The following GPHN variants were observed in gnomAD, a reference collection of about 807,000 sequenced individuals.
GPHN encodes gephyrin.
GPHN carries 17 observed loss-of-function variants against 95.5 expected under a neutral mutation model. That is an observed-to-expected ratio of 0.18 (90% CI 0.12 to 0.27). GPHN has a LOEUF of 0.27. GPHN is among the 10% of genes least tolerant of loss of function. The pLI is 1.00. For missense variants in GPHN, 660 were observed against 978.1 expected (o/e 0.67, Z 4.34); for synonymous variants, 320 against 322.5 (o/e 0.99, Z 0.08).
intron 17 of GPHN, chr14:67,142,899 C>G (rs532199791): frequency 2.9e-5 from 6 of 209,850 alleles, no homozygotes; most frequent in Admixed American, 1.1e-4. Flanking sequence ...TTCCTTTCCA[C>G]CTCTCTGAAT....
chr14:66,995,446 T>G (rs1311655382), intron 9 of GPHN, among the ~76,000 whole-genome samples: 1 of 152,324 alleles, frequency 6.6e-6, no homozygotes, highest in South Asian at 2.1e-4. Context: ...CTCAAAGCAA[T>G]AAGTGGCAAT....
chr14:67,071,400 G>GTA (rs2076301132), intron 11 of GPHN, among the ~76,000 whole-genome samples: 1 of 151,502 alleles, frequency 6.6e-6, no homozygotes, highest in South Asian at 2.1e-4. Context: ...ACCAAACACC[G>GTA]CATGTTCTCA....
chr14:66,630,220 A>G (rs767619783), intron 1 of GPHN, among the ~76,000 whole-genome samples: 1 of 152,158 alleles, frequency 6.6e-6, no homozygotes, highest in Non-Finnish European at 1.5e-5. Context: ...TACTTGGGTT[A>G]TGCTCTTTTC....
chr14:67,464,317 CTGTGCCCCCA>C, the GPHN span, among the ~76,000 whole-genome samples: 1 of 152,244 alleles, frequency 6.6e-6, no homozygotes, highest in Admixed American at 6.5e-5. Flanking sequence ...CTCCCCTGGC[CTGTGCCCCCA>C]TCCTCAGAAT....
chr14:66,571,124 A>G (rs1180254381), intron 1 of GPHN, among the ~76,000 whole-genome samples: 4 of 152,216 alleles, frequency 2.6e-5, no homozygotes, highest in African/African-American at 9.6e-5. Context: ...ACAGTTCCAC[A>G]TGGCTAGGGA....
At chr14:66,576,950 T>G (rs1385405287) in intron 1 of GPHN, among the ~76,000 whole-genome samples, 1 of 152,250 alleles carries the variant, frequency 6.6e-6, no homozygotes, top group Non-Finnish European at 1.5e-5. Flanking sequence ...TTGCCATGTT[T>G]TCCTTTTCTT....
At chr14:67,680,373 A>G in the GPHN span, among the ~76,000 whole-genome samples, 2 of 152,042 alleles carry the variant, frequency 1.3e-5, no homozygotes, top group African/African-American at 4.8e-5. Flanking sequence ...TGTGCCTTAT[A>G]CTCTTCATAA....
chr14:67,678,245 T>G, the GPHN span: 4 of 1,012,052 alleles, frequency 4.0e-6, no homozygotes, highest in Admixed American at 7.4e-5. Context: ...TTGAAAACCT[T>G]GAAGGAGAAT....
chr14:66,758,346 T>C (rs1026639552), intron 2 of GPHN, among the ~76,000 whole-genome samples: 3 of 152,128 alleles, frequency 2.0e-5, no homozygotes, highest in African/African-American at 7.2e-5. Context: ...ATTTTCCCCC[T>C]CTGAAAAGGT....
At chr14:66,736,326 T>C (rs2072261386) in intron 2 of GPHN, among the ~76,000 whole-genome samples, 1 of 152,076 alleles carries the variant, frequency 6.6e-6, no homozygotes, top group Non-Finnish European at 1.5e-5. Flanking sequence ...AACTTGATAA[T>C]CTATAGAAGT....
At chr14:67,453,589 A>C in the GPHN span, among the ~76,000 whole-genome samples, 1 of 152,198 alleles carries the variant, frequency 6.6e-6, no homozygotes, top group Non-Finnish European at 1.5e-5. Flanking sequence ...TGATGGCCTG[A>C]GCTGTTCCTA....
At chr14:66,542,694 T>C (rs544889724) in intron 1 of GPHN, among the ~76,000 whole-genome samples, 1 of 152,318 alleles carries the variant, frequency 6.6e-6, no homozygotes, top group East Asian at 1.9e-4. Context: ...CTTCTTTTGT[T>C]TGACACTACT....
At position 67,181,662 on chromosome 14, in the gene GPHN, G is replaced by T. The variant is rs140678260; in HGVS notation, c.*725G>T. On this transcript the variant is annotated 3_prime_UTR_variant, in exon 23 of 23. Transcript: ENST00000478722. ...AAAAATAAAATCAAAGACTGATCTT[G>T]TACAGATATTAGTGTTACCAGCATT... The T allele has an allele frequency of 8.8e-4, 233 of 265,032 alleles. 1 individual carries two copies. The East Asian group carries it at 0.016, about 18-fold the overall frequency. 16.4% of individuals were successfully genotyped at this position (265,032 alleles called of 1,614,324 possible).
intron 2 of GPHN, among the ~76,000 whole-genome samples, chr14:66,713,226 T>C (rs917818289): frequency 1.3e-5 from 2 of 152,292 alleles, no homozygotes; most frequent in Non-Finnish European, 1.5e-5. Context: ...AGCCAACGTG[T>C]AGAAGGGTTT....
intron 2 of GPHN, among the ~76,000 whole-genome samples, chr14:66,709,708 C>T (rs1266464297): frequency 2.0e-5 from 3 of 152,134 alleles, no homozygotes; most frequent in East Asian, 3.8e-4. Context: ...GGCAAAGTCC[C>T]TCATACTTAG....
intron 2 of GPHN, among the ~76,000 whole-genome samples, chr14:66,697,176 G>A (rs1278696464): frequency 6.6e-6 from 1 of 152,080 alleles, no homozygotes; most frequent in Admixed American, 6.6e-5. Context: ...GACTACTGAG[G>A]CATTTTATAG....
At chr14:67,376,361 T>G in the GPHN span, 1 of 1,340,622 alleles carries the variant, frequency 7.5e-7, no homozygotes, top group Non-Finnish European at 1.0e-6. Flanking sequence ...AGCCAAATTA[T>G]GTTATTTACT....
the GPHN span, chr14:67,586,832 G>A: frequency 6.8e-7 from 1 of 1,481,438 alleles, no homozygotes; most frequent in East Asian, 2.8e-5. Context: ...CAGAACACTG[G>A]GCCTCCTTTT....
the GPHN span, among the ~76,000 whole-genome samples, chr14:67,669,118 C>T: frequency 1.3e-5 from 2 of 152,080 alleles, no homozygotes; most frequent in African/African-American, 4.8e-5. Context: ...TGATTTATCC[C>T]CATTTGGCAG....
Sources: gnomAD v4.1 joint callset for allele counts (sites outside exome capture counted in the v4.1 genomes callset) on GRCh38, gnomAD v4.1.1 for gene constraint, MANE v1.5 for transcripts, NCBI Gene and HGNC (gene_info 2026-07-23, HGNC 2026-07-21) for gene names.